LARP1B: variants seen among roughly 807,000 people sequenced by gnomAD.
The protein encoded by LARP1B is La ribonucleoprotein 1B, also known as la-related protein 1B.
LARP1B carries 76 observed loss-of-function variants against 114.2 expected under a neutral mutation model. The ratio of observed to expected loss-of-function variants is 0.67; its 90% CI spans 0.55 to 0.81. The LOEUF (loss-of-function observed/expected upper bound fraction) is 0.81. Ranked by LOEUF, LARP1B falls within the 30% of genes least tolerant of loss-of-function variation. The probability of loss-of-function intolerance (pLI) is 0.00; values close to 1 mark genes in which losing one functional copy is unlikely to be tolerated. For missense variants in LARP1B, 1,014 were observed against 1,075.8 expected (o/e 0.94, Z 0.80); for synonymous variants, 345 against 348.0 (o/e 0.99, Z 0.10).
chr4:128,176,929 A>G (rs750830768), intron 13 of LARP1B, 22 bp downstream of exon 13: 79 of 1,609,608 alleles, frequency 4.9e-5, no homozygotes, highest in Non-Finnish European at 6.5e-5. Flanking sequence ...GGTGGGTATT[A>G]AAGGGAGGCT....
intron 11 of LARP1B, among the ~76,000 whole-genome samples, chr4:128,137,116 C>A (rs966368043): frequency 6.6e-6 from 1 of 152,026 alleles, no homozygotes. Context: ...AATTAATAGT[C>A]CAATTACCAA....
intron 1 of LARP1B, among the ~76,000 whole-genome samples, chr4:128,066,605 G>A (rs1439992184): frequency 6.6e-6 from 1 of 151,276 alleles, no homozygotes; most frequent in Non-Finnish European, 1.5e-5. Flanking sequence ...AGCCAGCCAA[G>A]TAGCTGGGAT....
At chr4:128,152,040 T>C (rs552690257) in intron 11 of LARP1B, among the ~76,000 whole-genome samples, 23 of 152,328 alleles carry the variant, frequency 1.5e-4, no homozygotes, top group African/African-American at 5.5e-4. Context: ...TATGATGATA[T>C]CTACCAGATT....
At chr4:128,217,869 C>T (rs1347981650) in intron 6 of LARP1B, among the ~76,000 whole-genome samples, 57 of 149,614 alleles carry the variant, frequency 3.8e-4, no homozygotes, top group South Asian at 1.1e-3. Flanking sequence ...TGTTTGCAGA[C>T]GACATGATTG....
At chr4:128,158,728 G>T (rs1736972959) in intron 11 of LARP1B, among the ~76,000 whole-genome samples, 1 of 152,138 alleles carries the variant, frequency 6.6e-6, no homozygotes. Context: ...CTACCAGGAT[G>T]ACTACATTAA....
chr4:128,083,634 C>A (rs545727368), intron 5 of LARP1B, among the ~76,000 whole-genome samples: 4,614 of 144,002 alleles, frequency 0.032, 242 homozygotes, highest in African/African-American at 0.12. Flanking sequence ...GACCCCCCCA[C>A]CTCCCTCCCG....
chr4:128,200,393 T>G (rs1755583055), intron 16 of LARP1B, 128 bp from the exon 17 acceptor site: 2 of 621,308 alleles, frequency 3.2e-6, no homozygotes, highest in Non-Finnish European at 5.2e-6. Flanking sequence ...CCCACTCTAT[T>G]TAGAAGAAAC....
chr4:128,170,882 T>C (rs1024429427), intron 12 of LARP1B, among the ~76,000 whole-genome samples: 1 of 150,062 alleles, frequency 6.7e-6, no homozygotes, highest in African/African-American at 2.4e-5. Flanking sequence ...CTTTTTTTTT[T>C]TTTTTTTGGC....
At chr4:128,098,397 T>C in intron 8 of LARP1B, 67 bp downstream of exon 8, 1 of 1,363,460 alleles carries the variant, frequency 7.3e-7, no homozygotes, top group Non-Finnish European at 1.0e-6. Context: ...AAAACTTCTC[T>C]GAAAAACAGA....
intron 12 of LARP1B, among the ~76,000 whole-genome samples, chr4:128,169,375 G>A (rs991573699): frequency 6.6e-6 from 1 of 151,656 alleles, no homozygotes; most frequent in Non-Finnish European, 1.5e-5. Context: ...TTCCACCTAA[G>A]CAGTATTTTA....
At chr4:128,164,052 G>C (rs1026576367) in intron 12 of LARP1B, among the ~76,000 whole-genome samples, 6 of 152,042 alleles carry the variant, frequency 3.9e-5, no homozygotes, top group Non-Finnish European at 7.4e-5. Flanking sequence ...CTAAATTTAA[G>C]ATTATAGGTT....
chr4:128,090,414 T>TTTA (rs2149565524), intron 5 of LARP1B, among the ~76,000 whole-genome samples: 1 of 152,292 alleles, frequency 6.6e-6, no homozygotes, highest in East Asian at 1.9e-4. Flanking sequence ...GTTTTCTGTA[T>TTTA]TTATTGTCCA....
intron 11 of LARP1B, among the ~76,000 whole-genome samples, chr4:128,151,717 C>T (rs1581045960): frequency 6.6e-6 from 1 of 152,034 alleles, no homozygotes; most frequent in African/African-American, 2.4e-5. Context: ...ATTCTCCTGC[C>T]TCAGCCTCCT....
chr4:128,091,176 A>G (rs919952674), intron 6 of LARP1B, 32 bp downstream of exon 6: 2 of 1,599,146 alleles, frequency 1.3e-6, no homozygotes, highest in African/African-American at 1.3e-5. Context: ...GTTAAATTAG[A>G]TAAACTTTGA....
chr4:128,161,070 G>T (rs531045092), intron 11 of LARP1B, among the ~76,000 whole-genome samples: 42 of 152,288 alleles, frequency 2.8e-4, no homozygotes, highest in African/African-American at 1.0e-3. Context: ...GTACCCATTA[G>T]TACCATGTGG....
At chr4:128,098,369 C>A (rs371108172) in intron 8 of LARP1B, 39 bp downstream of exon 8, 3 of 1,550,980 alleles carry the variant, frequency 1.9e-6, no homozygotes, top group South Asian at 1.2e-5. Flanking sequence ...ACTTTCTGCT[C>A]AAATTTCCTT....
intron 15 of LARP1B, among the ~76,000 whole-genome samples, chr4:128,194,995 C>T (rs145566458): frequency 4.0e-4 from 61 of 152,132 alleles, no homozygotes; most frequent in Middle Eastern, 3.4e-3. Context: ...TATGCTAGTA[C>T]TGAGTTATCT....
chr4:128,099,075 C>A (rs547514204), intron 8 of LARP1B, among the ~76,000 whole-genome samples: 3 of 151,488 alleles, frequency 2.0e-5, no homozygotes, highest in Admixed American at 2.0e-4. Context: ...CACTCCCAGC[C>A]GTTCCCACTT....
chr4:128,149,758 G>A (rs1258375237), intron 11 of LARP1B, among the ~76,000 whole-genome samples: 1 of 152,184 alleles, frequency 6.6e-6, no homozygotes, highest in Non-Finnish European at 1.5e-5. Flanking sequence ...GTAAAGAAGG[G>A]AGACTTAAAG....
Sources: gnomAD v4.1 joint callset for allele counts (sites outside exome capture counted in the v4.1 genomes callset) on GRCh38, gnomAD v4.1.1 for gene constraint, MANE v1.5 for transcripts, NCBI Gene and HGNC (gene_info 2026-07-23, HGNC 2026-07-21) for gene names.